Variants in SLC35B4 observed in about 807,000 individuals in gnomAD.
SLC35B4 encodes the protein nucleotide sugar transporter SLC35B4.
A neutral mutation model predicts 39.5 loss-of-function variants in SLC35B4; 28 were observed. That is an observed-to-expected ratio of 0.71 (90% CI 0.53 to 0.97). SLC35B4 has a LOEUF of 0.97. SLC35B4 is among the 50% of genes least tolerant of loss of function. The probability of loss-of-function intolerance (pLI) is 0.00; values close to 1 mark genes in which losing one functional copy is unlikely to be tolerated. For synonymous variants in SLC35B4, 145 were observed against 150.4 expected (o/e 0.96, Z 0.26); for missense variants, 334 against 414.3 (o/e 0.81, Z 1.68).
Position 134,294,865 on chromosome 7 carries a change from T to A in SLC35B4, c.964A>T (p.Ser322Cys). Reference sequence around the variant, plus strand: ...TTCTTGCTGTCCTTCTGAGGCTCACTTTTTGTGGTCCCTAGGTTGTTCCAC... The same window carrying A: ...TTCTTGCTGTCCTTCTGAGGCTCACATTTTGTGGTCCCTAGGTTGTTCCAC... The part of the protein sequence containing the change: ...EVWNNLGTTK[S>C]EPQKDSKKN The change falls in exon 10 of 10, where the codon AGT (serine) becomes TGT (cysteine). Residue 322 changes from serine to cysteine, a missense_variant. Coordinates refer to ENST00000378509, the MANE Select transcript of SLC35B4 (RefSeq NM_032826.5). 1 of 1,614,116 alleles carries A rather than the reference T, an allele frequency of 6.2e-7. No homozygotes were observed. Among genetic ancestry groups the A allele is most frequent in the South Asian group, 1.1e-5 (1 of 91,062 alleles).
intron 7 of SLC35B4, 71 bp from the exon 8 acceptor site, chr7:134,299,669 T>C (rs1803535784): frequency 7.4e-7 from 1 of 1,346,300 alleles, no homozygotes; most frequent in South Asian, 1.2e-5. Flanking sequence ...AGCTTTACAA[T>C]GATTAAAAGT....
intron 6 of SLC35B4, among the ~76,000 whole-genome samples, chr7:134,301,206 G>C (rs1803572579): frequency 6.6e-6 from 1 of 152,154 alleles, no homozygotes. Flanking sequence ...CTTGGAACGA[G>C]TCTCAGCTCC....
rs779120994 is a variant in SLC35B4 at position 134,309,413 on chromosome 7, G to A, written c.144C>T (p.Phe48=). ...AQFLFIAVEG[F]LFEADLGRKP... is the part of the protein sequence containing the mutation. Reference sequence around the variant, plus strand: ...TCCTTCCCAAATCAGCTTCAAAGAGGAAGCCTTCCACAGCAATAAATAAAA... The same window carrying A: ...TCCTTCCCAAATCAGCTTCAAAGAGAAAGCCTTCCACAGCAATAAATAAAA... The change falls in exon 2 of 10, where the codon TTC becomes TTT. Residue 48 remains phenylalanine (F), a synonymous_variant. Coordinates refer to ENST00000378509, the MANE Select transcript of SLC35B4 (RefSeq NM_032826.5). 1 of 1,611,640 alleles carries A rather than the reference G, an allele frequency of 6.2e-7. No individual in the cohort carries two copies. The highest frequency in any genetic ancestry group is 1.1e-5 in the South Asian group (1 of 90,772).
intron 8 of SLC35B4, among the ~76,000 whole-genome samples, chr7:134,298,668 A>G (rs1357456690): frequency 6.6e-6 from 1 of 152,052 alleles, no homozygotes; most frequent in African/African-American, 2.4e-5. Flanking sequence ...AAACTCTTAC[A>G]CACTACCTTC....
At chr7:134,305,312 G>A (rs1165191294) in intron 3 of SLC35B4, among the ~76,000 whole-genome samples, 10 of 149,130 alleles carry the variant, frequency 6.7e-5, no homozygotes, top group Admixed American at 4.1e-4. Flanking sequence ...CAACAAGAGC[G>A]AAACTCCGTC....
At chr7:134,295,778 G>A (rs1803452891) in intron 9 of SLC35B4, among the ~76,000 whole-genome samples, 2 of 151,800 alleles carry the variant, frequency 1.3e-5, no homozygotes, top group African/African-American at 4.8e-5. Context: ...AAATATCTTA[G>A]GACACCAAAA....
rs111778415 is a variant in SLC35B4, at chr7:134,294,695, T to A, written c.*138A>T. On this transcript the variant is annotated 3_prime_UTR_variant, in exon 10 of 10. Transcript: ENST00000378509. ...GTGTCAGTCTGAGCAACGTGAGAAG[T>A]CCCCTCCTGAAGATTTCCTTTTGCA... 3.3e-5 allele frequency: 35 copies of A among 1,068,942 alleles called. No homozygotes were observed. The African/African-American group carries it at 4.8e-4, about 15-fold the overall frequency. The allele number at this position is 1,068,942 out of a possible 1,614,324, so 66.2% of individuals were successfully genotyped here.
intron 5 of SLC35B4, 28 bp from the exon 6 acceptor site, chr7:134,301,849 C>G (rs761065942): frequency 5.9e-5 from 94 of 1,606,260 alleles, no homozygotes; most frequent in Non-Finnish European, 7.9e-5. Flanking sequence ...AAACTAGGTA[C>G]AGAGAGCAGA....
intron 4 of SLC35B4, among the ~76,000 whole-genome samples, chr7:134,302,443 T>C (rs1803604879): frequency 6.6e-6 from 1 of 152,184 alleles, no homozygotes; most frequent in African/African-American, 2.4e-5. Context: ...ACCCAGTCCT[T>C]ACTAGGATCT....
chr7:134,301,857 A>C (rs1201077118), intron 5 of SLC35B4, 36 bp from the exon 6 acceptor site: 1 of 1,594,988 alleles, frequency 6.3e-7, no homozygotes, highest in Admixed American at 1.7e-5. Context: ...TACAGAGAGC[A>C]GAACTACGTG....
chr7:134,296,992 C>T (rs148281958), intron 8 of SLC35B4, among the ~76,000 whole-genome samples: 2,553 of 152,346 alleles, frequency 0.017, 41 homozygotes, highest in African/African-American at 0.044. Context: ...ATGATCTCAG[C>T]TTACTGCAAC....
intron 3 of SLC35B4, among the ~76,000 whole-genome samples, chr7:134,305,336 GTA>G (rs112975529): frequency 6.7e-6 from 1 of 149,202 alleles, no homozygotes; most frequent in East Asian, 2.0e-4. Context: ...AAAAATATAC[GTA>G]TATATATATA....
chr7:134,303,297 T>C (rs765774153), intron 4 of SLC35B4, among the ~76,000 whole-genome samples: 1 of 152,274 alleles, frequency 6.6e-6, no homozygotes. Context: ...CCGTAACATT[T>C]TGGGGCACTA....
chr7:134,291,029 T>C lies in SLC35B4; in HGVS notation c.*3804A>G, dbSNP rs1435217368. 6.6e-6 allele frequency: 1 copy of C among 152,232 alleles called. No individual in the cohort carries two copies. Among genetic ancestry groups the C allele is most frequent in the Non-Finnish European group, 1.5e-5 (1 of 68,044 alleles). The allele number at this position is 152,232 out of a possible 1,614,324, so 9.4% of individuals were successfully genotyped here. On this transcript the variant is annotated 3_prime_UTR_variant, in exon 10 of 10. Coordinates refer to ENST00000378509, the MANE Select transcript of SLC35B4 (RefSeq NM_032826.5). Reference sequence around the variant, plus strand: ...GTTTTACTTCCCCTCTCCATAGGTATCTGGCACTGTTGAGTGAAGCCAGTT... The same window carrying C: ...GTTTTACTTCCCCTCTCCATAGGTACCTGGCACTGTTGAGTGAAGCCAGTT...
chr7:134,314,834 A>T (rs1193077755), intron 1 of SLC35B4, among the ~76,000 whole-genome samples: 2 of 152,156 alleles, frequency 1.3e-5, no homozygotes, highest in Non-Finnish European at 2.9e-5. Flanking sequence ...ATGCCTGGCC[A>T]ACTTTTTTAT....
At chr7:134,308,325 C>T (rs1430706688) in intron 2 of SLC35B4, among the ~76,000 whole-genome samples, 2 of 152,120 alleles carry the variant, frequency 1.3e-5, no homozygotes, top group Admixed American at 6.5e-5. Context: ...ACAGGGTATA[C>T]TTCCTGATCT....
At chr7:134,296,611 C>T in intron 8 of SLC35B4, 145 bp from the exon 9 acceptor site, 1 of 591,414 alleles carries the variant, frequency 1.7e-6, no homozygotes. Flanking sequence ...CATCACTTTA[C>T]TTGCCTTGAC....
intron 1 of SLC35B4, among the ~76,000 whole-genome samples, chr7:134,314,097 T>C (rs1803915073): frequency 6.6e-6 from 1 of 152,204 alleles, no homozygotes; most frequent in Non-Finnish European, 1.5e-5. Flanking sequence ...GGAGCTCCTA[T>C]AATGCATGAA....
At chr7:134,315,306 T>A (rs556157924) in intron 1 of SLC35B4, among the ~76,000 whole-genome samples, 1 of 152,300 alleles carries the variant, frequency 6.6e-6, no homozygotes, top group East Asian at 1.9e-4. Flanking sequence ...TCTTGACCAA[T>A]CTTCTGCACA....
Sources: allele counts gnomAD v4.1 joint callset (sites outside exome capture counted in the v4.1 genomes callset), GRCh38; gene constraint gnomAD v4.1.1; transcripts MANE v1.5; gene names NCBI Gene and HGNC (gene_info 2026-07-23, HGNC 2026-07-21).